UNC13C: variants seen among roughly 807,000 people sequenced by gnomAD.
UNC13C encodes protein unc-13 homolog C.
UNC13C carries 174 observed loss-of-function variants against 245.4 expected under a neutral mutation model. The observed-to-expected ratio is 0.71, with a 90% CI of 0.63 to 0.80. UNC13C has a LOEUF of 0.80. UNC13C is among the 30% of genes least tolerant of loss of function. The pLI is 0.00. For synonymous variants in UNC13C, 992 were observed against 895.1 expected (o/e 1.11, Z -1.93); for missense variants, 2,829 against 2,602.9 (o/e 1.09, Z -1.89).
intron 10 of UNC13C, among the ~76,000 whole-genome samples, chr15:54,283,179 A>G (rs1261549101): frequency 1.3e-5 from 2 of 152,154 alleles, no homozygotes; most frequent in Non-Finnish European, 2.9e-5. Context: ...AGCTTTGAGG[A>G]GGGGTTTCAC....
chr15:54,203,781 C>T (rs1567094833), intron 4 of UNC13C, among the ~76,000 whole-genome samples: 10 of 104,128 alleles, frequency 9.6e-5, no homozygotes, highest in East Asian at 9.5e-4. Flanking sequence ...TATACACACA[C>T]ATATAGATAT....
chr15:54,419,201 C>T (rs2040584775), intron 19 of UNC13C, among the ~76,000 whole-genome samples: 1 of 152,022 alleles, frequency 6.6e-6, no homozygotes, highest in Admixed American at 6.6e-5. Flanking sequence ...ATATGTTTAC[C>T]TGAGTAATAT....
chr15:54,511,826 A>G lies in UNC13C; in HGVS notation c.5453A>G (p.Lys1818Arg). 6.2e-7 allele frequency: 1 copy of G among 1,605,034 alleles called. No homozygotes were observed. The highest frequency in any genetic ancestry group is 8.5e-7 in the Non-Finnish European group (1 of 1,174,970). ...AAAATGTTTGAATCCATGGGAGGGA[A>G]GGAGGTGGGTATCTTTTTCTCCTAC... ...LEKMFESMGG[K>R]ELDSEASTIL... Residue 1818 changes from lysine to arginine, a missense_variant, in exon 24 of 33, where the codon AAG becomes AGG. Physicochemically the swap from Lys to Arg is conservative, Grantham distance 26. Transcript: ENST00000260323.
chr15:54,324,967 A>G (rs2038257224), intron 14 of UNC13C, among the ~76,000 whole-genome samples: 1 of 151,838 alleles, frequency 6.6e-6, no homozygotes. Flanking sequence ...CTTATGCATG[A>G]TTTTTTTTAT....
intron 10 of UNC13C, among the ~76,000 whole-genome samples, chr15:54,277,947 T>TA (rs1370566315): frequency 3.9e-5 from 6 of 152,114 alleles, no homozygotes; most frequent in Admixed American, 6.6e-5. Context: ...ACTCTACAGT[T>TA]AGAGTCCTTT....
At chr15:54,321,178 G>T in intron 13 of UNC13C, 1 of 514,590 alleles carries the variant, frequency 1.9e-6, no homozygotes, top group Non-Finnish European at 3.8e-6. Flanking sequence ...GCCATTCACA[G>T]TAAGGTGTTT....
chr15:54,125,541 A>G (rs2030981079), intron 2 of UNC13C, among the ~76,000 whole-genome samples: 1 of 152,198 alleles, frequency 6.6e-6, no homozygotes, highest in South Asian at 2.1e-4. Context: ...GATTATCTGT[A>G]TCTTGCTATG....
chr15:53,939,560 C>T, the UNC13C span, among the ~76,000 whole-genome samples: 1 of 152,102 alleles, frequency 6.6e-6, no homozygotes, highest in South Asian at 2.1e-4. Context: ...GCCAGTATCC[C>T]TGACAAACAT....
At chr15:53,853,706 A>G in the UNC13C span, among the ~76,000 whole-genome samples, 3 of 152,160 alleles carry the variant, frequency 2.0e-5, no homozygotes, top group African/African-American at 4.8e-5. Flanking sequence ...AGGAGATGGT[A>G]TCTCATTGTG....
At chr15:54,445,249 T>C (rs1401927674) in intron 19 of UNC13C, among the ~76,000 whole-genome samples, 1 of 152,144 alleles carries the variant, frequency 6.6e-6, no homozygotes, top group Non-Finnish European at 1.5e-5. Context: ...AAGTCTTTGC[T>C]ATTGTGAATA....
chr15:54,446,479 G>T (rs947044072), intron 19 of UNC13C, among the ~76,000 whole-genome samples: 1 of 152,128 alleles, frequency 6.6e-6, no homozygotes, highest in Non-Finnish European at 1.5e-5. Flanking sequence ...TTGAACATTG[G>T]TTTCTAGTTC....
chr15:54,311,783 A>G (rs1021414196), intron 13 of UNC13C, among the ~76,000 whole-genome samples: 1 of 151,798 alleles, frequency 6.6e-6, no homozygotes, highest in Non-Finnish European at 1.5e-5. Flanking sequence ...GATTTGTTTG[A>G]CTTCTTCAAC....
At chr15:54,501,214 T>A (rs1894195445) in intron 22 of UNC13C, among the ~76,000 whole-genome samples, 1 of 152,172 alleles carries the variant, frequency 6.6e-6, no homozygotes, top group East Asian at 1.9e-4. Flanking sequence ...CTCAGTTACT[T>A]ATAATCGAAG....
chr15:54,153,077 ACTCACTT>A (rs1264876691), intron 4 of UNC13C, among the ~76,000 whole-genome samples: 1 of 151,582 alleles, frequency 6.6e-6, no homozygotes, highest in Admixed American at 6.6e-5. Flanking sequence ...GTAAATAATT[ACTCACTT>A]CTTATTTAAA....
At chr15:54,288,666 T>G (rs1035878730) in intron 10 of UNC13C, among the ~76,000 whole-genome samples, 1 of 152,062 alleles carries the variant, frequency 6.6e-6, no homozygotes, top group South Asian at 2.1e-4. Flanking sequence ...TTTGAAAGGT[T>G]GTTGTATGAG....
intron 2 of UNC13C, among the ~76,000 whole-genome samples, chr15:54,129,141 G>C (rs973088992): frequency 6.6e-6 from 1 of 152,196 alleles, no homozygotes. Context: ...TTTAGTGGGA[G>C]TAATAGGGAG....
At chr15:54,189,374 T>TA (rs1567082036) in intron 4 of UNC13C, among the ~76,000 whole-genome samples, 1 of 151,674 alleles carries the variant, frequency 6.6e-6, no homozygotes, top group Non-Finnish European at 1.5e-5. Flanking sequence ...CGATTTTTTT[T>TA]AAATTCAATT....
chr15:54,387,570 C>A (rs2039865388), intron 17 of UNC13C, among the ~76,000 whole-genome samples: 1 of 152,094 alleles, frequency 6.6e-6, no homozygotes, highest in Non-Finnish European at 1.5e-5. Flanking sequence ...ATGTGGAGAA[C>A]AAGTCCTGCT....
At chr15:54,595,803 T>C (rs1377535703) in intron 30 of UNC13C, among the ~76,000 whole-genome samples, 2 of 152,230 alleles carry the variant, frequency 1.3e-5, no homozygotes, top group East Asian at 1.9e-4. Flanking sequence ...TTTAATTCTT[T>C]GGCTTATCTG....
Sources: gnomAD v4.1 joint callset for allele counts (sites outside exome capture counted in the v4.1 genomes callset) on GRCh38, gnomAD v4.1.1 for gene constraint, MANE v1.5 for transcripts, NCBI Gene and HGNC (gene_info 2026-07-23, HGNC 2026-07-21) for gene names.